Variants in INPP4A observed in about 807,000 individuals in gnomAD.
INPP4A encodes inositol polyphosphate-4-phosphatase, type I, 107kD.
Under a neutral mutation model 119.8 loss-of-function variants are expected in INPP4A, and 33 were observed. That is an observed-to-expected ratio of 0.28 (90% CI 0.21 to 0.37). The LOEUF is 0.37. Among genes scored for constraint, INPP4A ranks in the 10% least tolerant of loss-of-function variants. INPP4A has a pLI of 1.00. For synonymous variants in INPP4A, 496 were observed against 500.7 expected (o/e 0.99, Z 0.12); for missense variants, 956 against 1,289.9 (o/e 0.74, Z 3.97).
intron 1 of INPP4A, among the ~76,000 whole-genome samples, chr2:98,496,432 CAT>C (rs1322647735): frequency 6.6e-6 from 1 of 152,062 alleles, no homozygotes; most frequent in Non-Finnish European, 1.5e-5. Context: ...CTGAAGAAAA[CAT>C]AGGTGAGGCG....
At chr2:98,448,647 A>G (rs1418841465) in intron 1 of INPP4A, among the ~76,000 whole-genome samples, 1 of 150,534 alleles carries the variant, frequency 6.6e-6, no homozygotes, top group African/African-American at 2.4e-5. Context: ...CAGGTTATGC[A>G]CTTCTGGCGG....
rs185099281 is a variant in INPP4A, at chr2:98,544,629, A to G, written c.949+622A>G. 5.2e-3 allele frequency among the ~76,000 whole-genome samples: 787 copies of G among 152,330 alleles called. 4 individuals are homozygous for G. The highest frequency in any genetic ancestry group is 8.9e-3 in the Admixed American group (136 of 15,312). On this transcript the variant is annotated intron_variant, in intron 11 of 24. Coordinates refer to ENST00000409851, the MANE Select transcript of INPP4A (RefSeq NM_001134225.2). ...CTGTTCTTGTTCCTTTTTTATTCCA[A>G]GTGGAATGAATTTTTTGGTTTTTCA... is the stretch of plus-strand genomic sequence containing the variant.
chr2:98,465,890 C>G (rs895959790), intron 1 of INPP4A, among the ~76,000 whole-genome samples: 2 of 152,146 alleles, frequency 1.3e-5, no homozygotes, highest in African/African-American at 4.8e-5. Context: ...GGGTCTCACT[C>G]TAGCGCCCTC....
chr2:98,457,293 G>A (rs899069863), intron 1 of INPP4A, among the ~76,000 whole-genome samples: 12 of 152,222 alleles, frequency 7.9e-5, no homozygotes, highest in African/African-American at 2.9e-4. Context: ...TGCACCTGGT[G>A]AGGCTGTATT....
intron 10 of INPP4A, among the ~76,000 whole-genome samples, chr2:98,542,651 G>A (rs1246485429): frequency 6.6e-6 from 1 of 151,934 alleles, no homozygotes; most frequent in East Asian, 1.9e-4. Flanking sequence ...TCCTAATTTG[G>A]TTATGCTTTT....
In INPP4A at chr2:98,593,720, C is replaced by G. The variant is rs1295485208; in HGVS notation, c.*6112C>G. On this transcript the variant is annotated 3_prime_UTR_variant, in exon 25 of 25. Coordinates refer to ENST00000409851, the MANE Select transcript of INPP4A (RefSeq NM_001134225.2). ...GACGACCTTGGGATCATTTTCTCCT[C>G]CACATCCCATCAATCAGCCACTGAA... 6.6e-6 allele frequency: 1 copy of G among 152,424 alleles called. No individual in the cohort carries two copies. Among genetic ancestry groups the G allele is most frequent in the African/African-American group, 2.4e-5 (1 of 41,434 alleles). 9.4% of individuals were successfully genotyped at this position (152,424 alleles called of 1,614,324 possible). A position where few individuals can be genotyped will look rare whatever the true frequency, so the allele number is the denominator to read the frequency against.
chr2:98,568,573 T>C lies in INPP4A; in HGVS notation c.2423T>C (p.Phe808Ser). The part of the protein sequence containing the change: ...INEQQTLAER[F>S]GDTSLQEVIN... The stretch of plus-strand genomic sequence containing the variant: ...GGCATCCCCTATAACCTCCCAAGGT[T>C]TGGCGATACGTCTTTACAAGAAGTC... The change falls in exon 22 of 25, where the codon TTT (phenylalanine) becomes TCT (serine). Residue 808 changes from phenylalanine to serine, a missense_variant and splice_region_variant. Physicochemically the swap from Phe to Ser is radical, Grantham distance 155 (BLOSUM62 -2). Coordinates refer to ENST00000409851, the MANE Select transcript of INPP4A (RefSeq NM_001134225.2). The C allele has an allele frequency of 6.3e-7, 1 of 1,577,598 alleles. No homozygotes were observed. Among genetic ancestry groups the C allele is most frequent in the Non-Finnish European group, 8.7e-7 (1 of 1,155,284 alleles).
chr2:98,565,801 A>C, intron 20 of INPP4A, 35 bp downstream of exon 20: 1 of 1,596,774 alleles, frequency 6.3e-7, no homozygotes, highest in Middle Eastern at 1.7e-4. Flanking sequence ...TGAGCCAGAG[A>C]GCGGTTTTCA....
intron 13 of INPP4A, among the ~76,000 whole-genome samples, chr2:98,550,982 G>T (rs1213655598): frequency 6.6e-6 from 1 of 151,858 alleles, no homozygotes; most frequent in Non-Finnish European, 1.5e-5. Flanking sequence ...TGGAGTCAGG[G>T]TCTTGCTCTG....
At chr2:98,529,648 A>G (rs1478864423) in intron 4 of INPP4A, among the ~76,000 whole-genome samples, 4 of 151,832 alleles carry the variant, frequency 2.6e-5, no homozygotes, top group Non-Finnish European at 5.9e-5. Flanking sequence ...AGGCAGGAGA[A>G]TGGCGTGAAC....
intron 8 of INPP4A, among the ~76,000 whole-genome samples, chr2:98,538,309 G>A (rs79790818): frequency 6.6e-6 from 1 of 152,152 alleles, no homozygotes; most frequent in African/African-American, 2.4e-5. Flanking sequence ...AGGCATTTAG[G>A]ACCCAGGTCA....
chr2:98,544,342 T>C (rs1481937863), intron 11 of INPP4A, among the ~76,000 whole-genome samples: 1 of 152,240 alleles, frequency 6.6e-6, no homozygotes, highest in African/African-American at 2.4e-5. Context: ...TGCTTCATGT[T>C]GTTTCTTCAT....
chr2:98,543,780 C>T, intron 10 of INPP4A, 97 bp from the exon 11 acceptor site: 1 of 1,473,146 alleles, frequency 6.8e-7, no homozygotes, highest in African/African-American at 1.4e-5. Flanking sequence ...ATCCATGATA[C>T]TTCCCCTGCA....
chr2:98,529,590 G>C (rs1688819047), intron 4 of INPP4A, among the ~76,000 whole-genome samples: 1 of 152,062 alleles, frequency 6.6e-6, no homozygotes, highest in African/African-American at 2.4e-5. Flanking sequence ...CAAAAAATTA[G>C]CTGGGCGTGG....
chr2:98,450,916 C>T (rs1239826764), intron 1 of INPP4A, among the ~76,000 whole-genome samples: 2 of 152,152 alleles, frequency 1.3e-5, no homozygotes, highest in African/African-American at 4.8e-5. Context: ...AGATTACAGG[C>T]ATATACCACC....
chr2:98,452,321 A>C (rs1695371760), intron 1 of INPP4A, among the ~76,000 whole-genome samples: 1 of 152,182 alleles, frequency 6.6e-6, no homozygotes, highest in African/African-American at 2.4e-5. Flanking sequence ...GCATTACCTG[A>C]GAACTTGTTA....
chr2:98,444,774 G>GGGGCGGGGGTCGCA (rs1281362425), upstream of INPP4A: 1 of 152,360 alleles, frequency 6.6e-6, no homozygotes, highest in Non-Finnish European at 1.5e-5. Context: ...GGCTGGTAGT[G>GGGGCGGGGGTCGCA]GGGCGGGGGT....
intron 1 of INPP4A, among the ~76,000 whole-genome samples, chr2:98,492,757 T>A (rs992957709): frequency 3.9e-5 from 6 of 152,210 alleles, no homozygotes; most frequent in Admixed American, 6.5e-5. Flanking sequence ...CAGTTCGATA[T>A]CTGAGGGACT....
At chr2:98,539,721 G>A in intron 10 of INPP4A, 46 bp downstream of exon 10, 1 of 1,563,278 alleles carries the variant, frequency 6.4e-7, no homozygotes, top group Non-Finnish European at 8.6e-7. Context: ...CCCATGTCAT[G>A]TGCCCCTTCC....
Sources: gnomAD v4.1 joint callset for allele counts (sites outside exome capture counted in the v4.1 genomes callset) on GRCh38, gnomAD v4.1.1 for gene constraint, MANE v1.5 for transcripts, NCBI Gene and HGNC (gene_info 2026-07-23, HGNC 2026-07-21) for gene names.